PRICKLE1: variants seen among roughly 807,000 people sequenced by gnomAD.
The protein encoded by PRICKLE1 is prickle-like protein 1.
Under a neutral mutation model 70.2 loss-of-function variants are expected in PRICKLE1, and 14 were observed. The ratio of observed to expected loss-of-function variants is 0.20; its 90% CI spans 0.13 to 0.31. The LOEUF (loss-of-function observed/expected upper bound fraction) is 0.31. Ranked by LOEUF, PRICKLE1 falls within the 10% of genes least tolerant of loss-of-function variation. PRICKLE1 has a pLI of 1.00. For synonymous variants in PRICKLE1, 357 were observed against 379.9 expected (o/e 0.94, Z 0.70); for missense variants, 821 against 1,026.2 (o/e 0.80, Z 2.73).
intron 1 of PRICKLE1, among the ~76,000 whole-genome samples, chr12:42,510,518 G>C (rs960245651): frequency 1.3e-5 from 2 of 152,192 alleles, no homozygotes; most frequent in Non-Finnish European, 2.9e-5. Context: ...AACATAGCAA[G>C]ACCCTGTCTT....
chr12:42,560,103 A>AATTATTATTATT (rs35742688), intron 1 of PRICKLE1, among the ~76,000 whole-genome samples: 42 of 139,894 alleles, frequency 3.0e-4, no homozygotes, highest in East Asian at 1.5e-3. Flanking sequence ...AATCTCCTTT[A>AATTATTATTATT]ATTATTATTA....
In PRICKLE1 at chr12:42,545,011, G is replaced by A. The variant is rs544362905; in HGVS notation, c.-49+44454C>T. Among the ~76,000 whole-genome samples the A allele has an allele frequency of 3.3e-5, 5 of 149,678 alleles. No homozygotes were observed. The South Asian group carries it at 6.3e-4, about 19-fold the overall frequency. ...AATTTTTTTTTTTTTTTGAGATGAG[G>A]TCTTGCTCTGTCACCCAGGCTGGAG... On this transcript the variant is annotated intron_variant, in intron 1 of 7. Coordinates refer to ENST00000345127, the MANE Select transcript of PRICKLE1 (RefSeq NM_153026.3).
intron 2 of PRICKLE1, among the ~76,000 whole-genome samples, chr12:42,471,690 C>A (rs967153096): frequency 6.6e-6 from 1 of 152,204 alleles, no homozygotes; most frequent in African/African-American, 2.4e-5. Flanking sequence ...ACCCCACTGT[C>A]AACTTTATTT....
chr12:42,560,385 C>T (rs1456406786), intron 1 of PRICKLE1, among the ~76,000 whole-genome samples: 4 of 151,880 alleles, frequency 2.6e-5, no homozygotes, highest in Admixed American at 1.3e-4. Context: ...CCACCCGCCT[C>T]GGCTTCCCAA....
chr12:42,504,724 A>C (rs1157418729), intron 1 of PRICKLE1, among the ~76,000 whole-genome samples: 2 of 151,560 alleles, frequency 1.3e-5, no homozygotes, highest in African/African-American at 2.4e-5. Context: ...GAAATGGAAA[A>C]CCCCCGGACA....
intron 1 of PRICKLE1, among the ~76,000 whole-genome samples, chr12:42,530,680 ATTTTTTTTT>A (rs34675637): frequency 4.1e-5 from 4 of 97,102 alleles, no homozygotes; most frequent in Non-Finnish European, 5.8e-5. Flanking sequence ...TTATCAAATA[ATTTTTTTTT>A]TTTTTTTTTT....
chr12:42,544,665 T>C (rs1940174751), intron 1 of PRICKLE1, among the ~76,000 whole-genome samples: 1 of 152,212 alleles, frequency 6.6e-6, no homozygotes, highest in Non-Finnish European at 1.5e-5. Flanking sequence ...TAGAACTAGT[T>C]ATGCTCTTAA....
At chr12:42,588,163 C>A (rs572099199) in intron 1 of PRICKLE1, among the ~76,000 whole-genome samples, 2 of 152,154 alleles carry the variant, frequency 1.3e-5, no homozygotes, top group Admixed American at 6.5e-5. Context: ...ACATCTGGAG[C>A]CGGACTACGG....
intron 1 of PRICKLE1, among the ~76,000 whole-genome samples, chr12:42,490,452 T>C (rs1025071380): frequency 6.6e-6 from 1 of 152,170 alleles, no homozygotes; most frequent in African/African-American, 2.4e-5. Context: ...CAAGTTATTC[T>C]AGGGGTAGTG....
At chr12:42,498,061 T>C (rs1007363603) in intron 1 of PRICKLE1, among the ~76,000 whole-genome samples, 1 of 152,230 alleles carries the variant, frequency 6.6e-6, no homozygotes, top group African/African-American at 2.4e-5. Flanking sequence ...CAGGCTCATC[T>C]TGAACTCTTA....
intron 1 of PRICKLE1, among the ~76,000 whole-genome samples, chr12:42,538,487 C>T (rs374123816): frequency 1.2e-4 from 18 of 152,104 alleles, no homozygotes; most frequent in African/African-American, 2.9e-4. Context: ...GGTAGGGGTG[C>T]GGGGGTGGAA....
chr12:42,502,052 C>T, intron 1 of PRICKLE1, among the ~76,000 whole-genome samples: 1 of 151,860 alleles, frequency 6.6e-6, no homozygotes, highest in Non-Finnish European at 1.5e-5. Context: ...TACAGAATGG[C>T]CTGGAATGAA....
At chr12:42,565,605 A>C (rs1940608773) in intron 1 of PRICKLE1, among the ~76,000 whole-genome samples, 1 of 152,206 alleles carries the variant, frequency 6.6e-6, no homozygotes, top group South Asian at 2.1e-4. Flanking sequence ...TCCCCACAAC[A>C]ACCAAAGCAG....
In PRICKLE1 at chr12:42,527,945, A is replaced by C. The variant is rs1278652633; in HGVS notation, c.-48-55381T>G. 1.6e-4 allele frequency among the ~76,000 whole-genome samples: 14 copies of C among 89,318 alleles called. 2 individuals carry two copies. The South Asian group carries it at 2.1e-3, about 13-fold the overall frequency. The allele number at this position is 89,318 out of a possible 152,430, so 58.6% of individuals were successfully genotyped here. On this transcript the variant is annotated intron_variant, in intron 1 of 7. Transcript: ENST00000345127. ...TATATATATATATATATATATATAT[A>C]TATATATATATATATATATATATAT...
chr12:42,519,012 G>A (rs147007681), intron 1 of PRICKLE1, among the ~76,000 whole-genome samples: 1 of 152,172 alleles, frequency 6.6e-6, no homozygotes, highest in African/African-American at 2.4e-5. Flanking sequence ...AGTCAGACCT[G>A]AAATGTTGCA....
At chr12:42,533,710 C>G (rs1181894789) in intron 1 of PRICKLE1, among the ~76,000 whole-genome samples, 2 of 152,074 alleles carry the variant, frequency 1.3e-5, no homozygotes, top group African/African-American at 4.8e-5. Context: ...AGAGAAAATA[C>G]ATAAATTGGC....
chr12:42,485,883 T>C (rs1938980224), intron 1 of PRICKLE1, among the ~76,000 whole-genome samples: 1 of 152,224 alleles, frequency 6.6e-6, no homozygotes, highest in African/African-American at 2.4e-5. Flanking sequence ...TATTACCCAT[T>C]GTAAGCGTTT....
At chr12:42,497,342 A>G (rs771544385) in intron 1 of PRICKLE1, among the ~76,000 whole-genome samples, 4 of 151,934 alleles carry the variant, frequency 2.6e-5, no homozygotes, top group Non-Finnish European at 4.4e-5. Flanking sequence ...TCAGGAGATC[A>G]AGATCATCCT....
chr12:42,459,262 T>C lies in PRICKLE1; in HGVS notation c.*547A>G. ...ATAAATAGCAATGTTTTTTGTTTTT[T>C]TTTTTCAATCTGTAGCTGGCGCTGA... is the stretch of plus-strand genomic sequence containing the variant. On this transcript the variant is annotated 3_prime_UTR_variant, in exon 8 of 8. Transcript: ENST00000345127. 1.4e-6 allele frequency: 1 copy of C among 696,858 alleles called. No homozygotes were observed. Among genetic ancestry groups the C allele is most frequent in the South Asian group, 1.5e-5 (1 of 66,250 alleles). The allele number at this position is 696,858 out of a possible 1,614,324, so 43.2% of individuals were successfully genotyped here.
Sources: allele counts gnomAD v4.1 joint callset (sites outside exome capture counted in the v4.1 genomes callset), GRCh38; gene constraint gnomAD v4.1.1; transcripts MANE v1.5; gene names NCBI Gene and HGNC (gene_info 2026-07-23, HGNC 2026-07-21).